Variants in MITF observed in about 807,000 individuals in gnomAD.
MITF encodes melanocyte inducing transcription factor, also known as microphthalmia-associated transcription factor.
In MITF, 17 loss-of-function variants were observed where a neutral mutation model predicts 60.5. The ratio of observed to expected loss-of-function variants is 0.28; its 90% CI spans 0.19 to 0.42. MITF has a LOEUF of 0.42. Among genes scored for constraint, MITF ranks in the 10% least tolerant of loss-of-function variants. The pLI, the probability that MITF is intolerant of heterozygous loss-of-function variation, is 1.00. For missense variants in MITF, 622 were observed against 683.5 expected (o/e 0.91, Z 1.00); for synonymous variants, 260 against 248.5 (o/e 1.05, Z -0.43).
At chr3:69,831,515 G>A (rs1407808206) in intron 1 of MITF, among the ~76,000 whole-genome samples, 13 of 152,090 alleles carry the variant, frequency 8.5e-5, no homozygotes, top group Non-Finnish European at 1.9e-4. Context: ...GATAGCAGTA[G>A]GTAACTAATC....
intron 1 of MITF, among the ~76,000 whole-genome samples, chr3:69,801,948 G>A (rs1035038386): frequency 1.3e-5 from 2 of 152,030 alleles, no homozygotes; most frequent in African/African-American, 4.8e-5. Context: ...TCTGTGCCTG[G>A]CATGTAATAG....
chr3:69,771,764 C>A (rs1435703600), intron 1 of MITF, among the ~76,000 whole-genome samples: 2 of 152,008 alleles, frequency 1.3e-5, no homozygotes, highest in Non-Finnish European at 2.9e-5. Context: ...TTGAATCATC[C>A]CAAATTCTCT....
chr3:69,774,577 T>A (rs2062445224), intron 1 of MITF, among the ~76,000 whole-genome samples: 1 of 152,194 alleles, frequency 6.6e-6, no homozygotes, highest in Non-Finnish European at 1.5e-5. Flanking sequence ...AATGTATTCC[T>A]TGTGTTCTGT....
chr3:69,922,663 CA>C (rs1409913421), intron 2 of MITF, among the ~76,000 whole-genome samples: 5 of 152,186 alleles, frequency 3.3e-5, no homozygotes, highest in African/African-American at 1.2e-4. Flanking sequence ...TTCAGTGATA[CA>C]GTGGCCTATT....
At position 69,739,678 on chromosome 3, in the gene MITF, CA is replaced by C; in HGVS notation, c.85del (p.Ser29ValfsTer4). 6.3e-7 allele frequency: 1 copy of C among 1,576,656 alleles called. No homozygotes were observed. The highest frequency in any genetic ancestry group is 8.6e-7 in the Non-Finnish European group (1 of 1,159,288). The stretch of plus-strand genomic sequence containing the variant: ...AAGAGCCCAAAACCTATTACGAACT[CA>C]AAAGTCAACCGCTGAAGAGCAGGTG... Reference protein sequence around the residue: ...HEEPKTYYELKSQPLKSSSSA... With the variant: ...HEEPKTYYELXSQPLKSSSSA... On this transcript the variant is annotated frameshift_variant, in exon 1 of 10. Coordinates refer to ENST00000352241, the MANE Select transcript of MITF (RefSeq NM_001354604.2). LOFTEE classifies it high-confidence loss of function.
intron 1 of MITF, among the ~76,000 whole-genome samples, chr3:69,875,114 T>G (rs908531096): frequency 6.6e-6 from 1 of 151,942 alleles, no homozygotes; most frequent in Non-Finnish European, 1.5e-5. Context: ...CCCAGAGAGG[T>G]CAAGTGGCTC....
chr3:69,833,724 T>C (rs73114100), intron 1 of MITF, among the ~76,000 whole-genome samples: 7,280 of 149,224 alleles, frequency 0.049, 317 homozygotes, highest in Admixed American at 0.12. Flanking sequence ...TTACACTGTA[T>C]GTGCTTTTTT....
At chr3:69,908,956 T>A (rs997558423) in intron 2 of MITF, among the ~76,000 whole-genome samples, 2 of 152,330 alleles carry the variant, frequency 1.3e-5, no homozygotes, top group South Asian at 4.1e-4. Context: ...TTGATGCTTA[T>A]AGTTATAGGA....
chr3:69,785,371 A>C (rs1347832160), intron 1 of MITF, among the ~76,000 whole-genome samples: 3 of 152,152 alleles, frequency 2.0e-5, no homozygotes, highest in Non-Finnish European at 4.4e-5. Flanking sequence ...TCTGTGCACT[A>C]TCTCATTTAA....
At chr3:69,800,799 T>A (rs1174155526) in intron 1 of MITF, among the ~76,000 whole-genome samples, 13 of 152,092 alleles carry the variant, frequency 8.5e-5, no homozygotes, top group Non-Finnish European at 1.9e-4. Flanking sequence ...GAATGGGCCC[T>A]CTGTAGCACA....
At chr3:69,786,036 A>G (rs2062642951) in intron 1 of MITF, among the ~76,000 whole-genome samples, 1 of 152,196 alleles carries the variant, frequency 6.6e-6, no homozygotes, top group Admixed American at 6.5e-5. Context: ...ACATTCTAAC[A>G]TCTGTTTGGA....
chr3:69,938,743 A>G, intron 3 of MITF: 1 of 1,306,306 alleles, frequency 7.7e-7, no homozygotes, highest in Non-Finnish European at 9.7e-7. Flanking sequence ...TTATTTCCAA[A>G]TTATGAGATG....
chr3:69,739,528 C>T lies in MITF; in HGVS notation c.-70C>T. ...GCGCACGGCTCGGGGGACCCAGGCC[C>T]AGCTACCTTCCCTCCGCCCCCGGGC... On this transcript the variant is annotated 5_prime_UTR_variant, in exon 1 of 10. Coordinates refer to ENST00000352241, the MANE Select transcript of MITF (RefSeq NM_001354604.2). 1 of 1,402,594 alleles carries T rather than the reference C, an allele frequency of 7.1e-7. No homozygotes were observed. Among genetic ancestry groups the T allele is most frequent in the Non-Finnish European group, 9.9e-7 (1 of 1,011,906 alleles). The allele number at this position is 1,402,594 out of a possible 1,614,324, so 86.9% of individuals were successfully genotyped here.
rs1559746778 is a variant in MITF, at chr3:69,953,682, G to GAC, written c.955+1797_955+1798insCA. Among the ~76,000 whole-genome samples, 115 of 147,906 alleles carry GAC rather than the reference G, an allele frequency of 7.8e-4. No homozygotes were observed. In the East Asian group the frequency reaches 0.015, roughly 19 times the overall value. On this transcript the variant is annotated intron_variant, in intron 7 of 9. Transcript: ENST00000352241. ...ATATATAGAGAGAGAGAGAGAGAGA[G>GAC]AGAGAGACAGAGACAGAGACAGAGA...
At chr3:69,952,249 G>A (rs1265278297) in intron 7 of MITF, among the ~76,000 whole-genome samples, 1 of 152,038 alleles carries the variant, frequency 6.6e-6, no homozygotes, top group Non-Finnish European at 1.5e-5. Flanking sequence ...GATTAGGGAA[G>A]CACCTTCTCC....
chr3:69,853,407 C>T (rs758483982), intron 1 of MITF, among the ~76,000 whole-genome samples: 6 of 152,196 alleles, frequency 3.9e-5, no homozygotes, highest in Admixed American at 2.0e-4. Flanking sequence ...TTCTTTACTT[C>T]CCTATATGGC....
Position 69,757,996 on chromosome 3 carries a change from CATGTGTGTGTGTGTGTGT to C in MITF, c.104+18296_104+18313del, listed in dbSNP as rs1365760617. Among the ~76,000 whole-genome samples, 584 of 96,466 alleles carry C rather than the reference CATGTGTGTGTGTGTGTGT, an allele frequency of 6.1e-3. 5 individuals carry two copies. Among genetic ancestry groups the C allele is most frequent in the African/African-American group, 0.024 (539 of 22,724 alleles). 63.3% of individuals were successfully genotyped at this position (96,466 alleles called of 152,430 possible). ...AAAAGAACCTGGAGTTACCCTAGGG[CATGTGTGTGTGTGTGTGT>C]GTGTGTGTGTGTGTGTGTGTGTGTG... On this transcript the variant is annotated intron_variant, in intron 1 of 9. Transcript: ENST00000352241.
chr3:69,830,996 T>C (rs1462600924), intron 1 of MITF, among the ~76,000 whole-genome samples: 1 of 152,202 alleles, frequency 6.6e-6, no homozygotes. Flanking sequence ...GATAAGACCT[T>C]AGGCAAGTTA....
At chr3:69,760,095 T>G (rs1048656622) in intron 1 of MITF, among the ~76,000 whole-genome samples, 1 of 152,210 alleles carries the variant, frequency 6.6e-6, no homozygotes, top group African/African-American at 2.4e-5. Flanking sequence ...CTCATTTTTA[T>G]CAGTTTGTTT....
Sources: allele counts gnomAD v4.1 joint callset (sites outside exome capture counted in the v4.1 genomes callset), GRCh38; gene constraint gnomAD v4.1.1; transcripts MANE v1.5; gene names NCBI Gene and HGNC (gene_info 2026-07-23, HGNC 2026-07-21).